Variants in GOT1 observed in about 807,000 individuals in gnomAD.
GOT1 encodes glutamic-oxaloacetic transaminase 1.
Under a neutral mutation model 48.2 loss-of-function variants are expected in GOT1, and 25 were observed. The ratio of observed to expected loss-of-function variants is 0.52; its 90% CI spans 0.38 to 0.72. The LOEUF (loss-of-function observed/expected upper bound fraction) is 0.72, where lower values mean the gene tolerates loss of function less well. Ranked by LOEUF, GOT1 falls within the 30% of genes least tolerant of loss-of-function variation. GOT1 has a pLI of 0.00. For synonymous variants in GOT1, 188 were observed against 193.8 expected, an observed-to-expected ratio of 0.97 and a Z score of 0.25; for missense variants, 380 against 520.1, an observed-to-expected ratio of 0.73 and a Z score of 2.62.
chr10:99,401,815 CT>C (rs368064630), intron 8 of GOT1, among the ~76,000 whole-genome samples: 8 of 147,862 alleles, frequency 5.4e-5, no homozygotes, highest in African/African-American at 7.4e-5. Context: ...AGGTTCTTTT[CT>C]TTTTTTTTTG....
In GOT1 at chr10:99,403,612, A is replaced by C; in HGVS notation, c.816T>G (p.Thr272=). Reference sequence around the variant, plus strand: ...TGCTCTCAGGTTCTTTTCCAACCACAGTCAGATTCCCGACTCTCTCATCTA... The same window carrying C: ...TGCTCTCAGGTTCTTTTCCAACCACCGTCAGATTCCCGACTCTCTCATCTA... ...GLYNERVGNL[T]VVGKEPESIL... Residue 272 remains threonine, a synonymous_variant, in exon 7 of 9, where the codon ACT becomes ACG. Coordinates refer to ENST00000370508, the MANE Select transcript of GOT1 (RefSeq NM_002079.3). 6.2e-7 allele frequency: 1 copy of C among 1,614,102 alleles called. No homozygotes were observed.
rs531762860 is a variant in GOT1 at position 99,427,329 on chromosome 10, C to T, written c.118+3119G>A. Among the ~76,000 whole-genome samples, 221 of 152,192 alleles carry T rather than the reference C, an allele frequency of 1.5e-3. 5 individuals carry two copies. Among genetic ancestry groups the T allele is most frequent in the Admixed American group, 1.6e-3 (24 of 15,290 alleles). On this transcript the variant is annotated intron_variant, in intron 1 of 8. Coordinates refer to ENST00000370508, the MANE Select transcript of GOT1 (RefSeq NM_002079.3). Reference sequence around the variant, plus strand: ...TGTTGCCCAGGCTGGAGTGCAGTGGCGCGATCTCAGCTCACTGCAAGCTCC... The same window carrying T: ...TGTTGCCCAGGCTGGAGTGCAGTGGTGCGATCTCAGCTCACTGCAAGCTCC...
At chr10:99,401,530 A>C (rs1003847899) in intron 8 of GOT1, among the ~76,000 whole-genome samples, 1 of 151,924 alleles carries the variant, frequency 6.6e-6, no homozygotes, top group Non-Finnish European at 1.5e-5. Context: ...GGAATTACTA[A>C]AGAAATGACG....
chr10:99,422,130 T>C (rs566038230), intron 1 of GOT1, among the ~76,000 whole-genome samples: 68 of 152,322 alleles, frequency 4.5e-4, no homozygotes, highest in Non-Finnish European at 9.0e-4. Flanking sequence ...ATTTCTGCCT[T>C]GCTGTTCTTG....
Position 99,423,261 on chromosome 10 carries a change from T to A in GOT1, c.119-2456A>T, listed in dbSNP as rs544052389. On this transcript the variant is annotated intron_variant, in intron 1 of 8. Coordinates refer to ENST00000370508, the MANE Select transcript of GOT1 (RefSeq NM_002079.3). ...AAATATGAGCCATTTACAACATCAGTTTAGTGGATAAATAATATTTGTTTT... is the reference window on the plus strand; with the variant it reads ...AAATATGAGCCATTTACAACATCAGATTAGTGGATAAATAATATTTGTTTT... Among the ~76,000 whole-genome samples, 263 of 152,316 alleles carry A rather than the reference T, an allele frequency of 1.7e-3. 2 individuals are homozygous for A. The highest frequency in any genetic ancestry group is 2.7e-3 in the Non-Finnish European group (185 of 68,026).
At chr10:99,423,815 A>ATT (rs571149699) in intron 1 of GOT1, among the ~76,000 whole-genome samples, 3 of 147,542 alleles carry the variant, frequency 2.0e-5, no homozygotes, top group Non-Finnish European at 3.0e-5. Flanking sequence ...GGACCAGCTA[A>ATT]TTTTTTTTTT....
intron 2 of GOT1, among the ~76,000 whole-genome samples, chr10:99,414,530 A>G (rs1239505984): frequency 6.6e-6 from 1 of 152,170 alleles, no homozygotes; most frequent in Admixed American, 6.5e-5. Flanking sequence ...AGACAGATCA[A>G]TGAAGACAGA....
chr10:99,427,944 T>C (rs1021440992), intron 1 of GOT1, among the ~76,000 whole-genome samples: 4 of 152,204 alleles, frequency 2.6e-5, no homozygotes, highest in African/African-American at 9.6e-5. Context: ...ATTACATGCA[T>C]AAATAATTTG....
chr10:99,427,725 C>G (rs11190088), intron 1 of GOT1, among the ~76,000 whole-genome samples: 22,262 of 152,122 alleles, frequency 0.15, 1,769 homozygotes, highest in Admixed American at 0.25. Context: ...CTTCCCACTA[C>G]AGTGTACTGG....
intron 2 of GOT1, among the ~76,000 whole-genome samples, chr10:99,409,077 C>T (rs1482092289): frequency 6.6e-6 from 1 of 151,966 alleles, no homozygotes. Context: ...ATACTGTTTT[C>T]TCTACTTTCA....
chr10:99,427,281 AT>A (rs2033050820), intron 1 of GOT1, among the ~76,000 whole-genome samples: 1 of 151,780 alleles, frequency 6.6e-6, no homozygotes, highest in African/African-American at 2.4e-5. Context: ...TTATTTATTT[AT>A]TTTTGAGACG....
chr10:99,412,614 G>A (rs1338962859), intron 2 of GOT1, among the ~76,000 whole-genome samples: 5 of 151,984 alleles, frequency 3.3e-5, no homozygotes, highest in Admixed American at 6.5e-5. Context: ...CTCTCAGCAC[G>A]GAGTTTCAGA....
At chr10:99,406,630 T>C in intron 3 of GOT1, 96 bp downstream of exon 3, 8 of 1,243,182 alleles carry the variant, frequency 6.4e-6, no homozygotes, top group Non-Finnish European at 9.3e-6. Flanking sequence ...TCAGTTGTTC[T>C]AGGGCTGGAT....
At chr10:99,400,391 A>G (rs944705586) in intron 8 of GOT1, among the ~76,000 whole-genome samples, 1 of 152,094 alleles carries the variant, frequency 6.6e-6, no homozygotes, top group African/African-American at 2.4e-5. Flanking sequence ...CATGCCTGTA[A>G]TCCCAGCACC....
intron 2 of GOT1, among the ~76,000 whole-genome samples, chr10:99,408,279 T>C (rs1045379777): frequency 6.6e-6 from 1 of 152,164 alleles, no homozygotes; most frequent in Admixed American, 6.5e-5. Flanking sequence ...ATGATGTAGT[T>C]CTCTGCCTAT....
Position 99,430,597 on chromosome 10 carries a change from C to T in GOT1, c.-32G>A, listed in dbSNP as rs1166238143. The T allele has an allele frequency of 1.3e-6, 2 of 1,535,582 alleles. No homozygotes were observed. Among genetic ancestry groups the T allele is most frequent in the South Asian group, 2.4e-5 (2 of 82,444 alleles). The stretch of plus-strand genomic sequence containing the variant: ...AGACTAGGAATCAAGAGATTTCACC[C>T]CACGCCCGGAGCTGGCAGGTCAGGT... On this transcript the variant is annotated 5_prime_UTR_variant, in exon 1 of 9. Coordinates refer to ENST00000370508, the MANE Select transcript of GOT1 (RefSeq NM_002079.3).
chr10:99,414,798 C>T (rs1489151562), intron 2 of GOT1, among the ~76,000 whole-genome samples: 2 of 151,640 alleles, frequency 1.3e-5, no homozygotes, highest in South Asian at 2.1e-4. Flanking sequence ...CACTCAAAAC[C>T]GCTCAACTAC....
intron 2 of GOT1, among the ~76,000 whole-genome samples, chr10:99,410,123 C>T (rs2032811372): frequency 6.6e-6 from 1 of 152,230 alleles, no homozygotes; most frequent in African/African-American, 2.4e-5. Context: ...TTACTGAGCA[C>T]TCATCCCTTG....
At chr10:99,427,355 G>T in intron 1 of GOT1, among the ~76,000 whole-genome samples, 1 of 152,062 alleles carries the variant, frequency 6.6e-6, no homozygotes. Flanking sequence ...TGCAAGCTCC[G>T]CCTCCTGGGT....
Sources: allele counts gnomAD v4.1 joint callset (sites outside exome capture counted in the v4.1 genomes callset), GRCh38; gene constraint gnomAD v4.1.1; transcripts MANE v1.5; gene names NCBI Gene and HGNC (gene_info 2026-07-23, HGNC 2026-07-21).